EIF5B: variants seen among roughly 807,000 people sequenced by gnomAD.
EIF5B encodes the protein eIF-5B.
Under a neutral mutation model 147.5 loss-of-function variants are expected in EIF5B, and 47 were observed. That is an observed-to-expected ratio of 0.32 (90% CI 0.25 to 0.41). The LOEUF is 0.41. Ranked by LOEUF, EIF5B falls within the 10% of genes least tolerant of loss-of-function variation. The pLI is 1.00. For missense variants in EIF5B, 1,064 were observed against 1,413.2 expected (o/e 0.75, Z 3.96); for synonymous variants, 455 against 456.2 (o/e 1.00, Z 0.03).
chr2:99,396,940 A>C (rs1271891910), intron 22 of EIF5B, 42 bp downstream of exon 22: 1 of 1,571,192 alleles, frequency 6.4e-7, no homozygotes, highest in Non-Finnish European at 8.6e-7. Flanking sequence ...TTCTTAAAGC[A>C]CTAAATGAGT....
intron 7 of EIF5B, 99 bp downstream of exon 7, chr2:99,368,690 G>T: frequency 1.2e-6 from 1 of 847,158 alleles, no homozygotes; most frequent in African/African-American, 1.7e-5. Context: ...GAAAAAATCC[G>T]AAATGCATAT....
chr2:99,399,111 A>G (rs1675138245), intron 23 of EIF5B, 196 bp from the exon 24 acceptor site: 1 of 774,272 alleles, frequency 1.3e-6, no homozygotes, highest in Non-Finnish European at 2.0e-6. Context: ...AGAGAAAGCT[A>G]GGACTTTTAG....
chr2:99,400,249 A>AGATT lies in EIF5B; in HGVS notation c.*836_*839dup, dbSNP rs28382983. 6.6e-6 allele frequency: 1 copy of AGATT among 152,172 alleles called. No individual in the cohort carries two copies. The highest frequency in any genetic ancestry group is 2.1e-4 in the South Asian group (1 of 4,836). 9.4% of individuals were successfully genotyped at this position (152,172 alleles called of 1,614,324 possible). The stretch of plus-strand genomic sequence containing the variant: ...TTTTAATCTTGATCTGTTTTAGTAG[A>AGATT]GATTTTTATACATTAATCTTGATCT... On this transcript the variant is annotated 3_prime_UTR_variant, in exon 24 of 24. Transcript: ENST00000289371.
chr2:99,390,771 G>A, intron 17 of EIF5B, 66 bp downstream of exon 17: 1 of 1,489,118 alleles, frequency 6.7e-7, no homozygotes, highest in Non-Finnish European at 9.0e-7. Context: ...CTGCTGAGAT[G>A]GTTTCCTCAC....
At chr2:99,341,481 T>C (rs968368916) in intron 1 of EIF5B, among the ~76,000 whole-genome samples, 35 of 152,336 alleles carry the variant, frequency 2.3e-4, no homozygotes, top group African/African-American at 8.2e-4. Flanking sequence ...TGTTACTTGC[T>C]CATTTGTTGT....
chr2:99,372,931 TTC>T (rs1674483255), intron 9 of EIF5B, among the ~76,000 whole-genome samples: 1 of 152,292 alleles, frequency 6.6e-6, no homozygotes, highest in African/African-American at 2.4e-5. Context: ...GATCTGTTTT[TTC>T]TCTCTGTTAC....
Position 99,394,264 on chromosome 2 carries a change from A to G in EIF5B, c.2881-3A>G, listed in dbSNP as rs1486588334. On this transcript the variant is annotated splice_polypyrimidine_tract_variant and splice_region_variant and intron_variant, in intron 18 of 23. Transcript: ENST00000289371. ...ACCTTATCAAATCTGATTTCTTTTC[A>G]AGGATGAATTGATCCATGAGTTAAA... 6.2e-7 allele frequency: 1 copy of G among 1,601,590 alleles called. No individual in the cohort carries two copies. The highest frequency in any genetic ancestry group is 1.4e-5 in the African/African-American group (1 of 73,684).
chr2:99,361,962 C>T, intron 4 of EIF5B, 142 bp downstream of exon 4: 1 of 644,396 alleles, frequency 1.6e-6, no homozygotes, highest in Non-Finnish European at 2.3e-6. Flanking sequence ...AAAATTACGT[C>T]TAAGTATTTG....
chr2:99,382,640 C>T, intron 13 of EIF5B, 140 bp from the exon 14 acceptor site: 1 of 796,794 alleles, frequency 1.3e-6, no homozygotes, highest in Non-Finnish European at 1.8e-6. Context: ...GAGCCTTTGG[C>T]AAGTTAAGGG....
chr2:99,345,973 G>A (rs2094272536), intron 1 of EIF5B, among the ~76,000 whole-genome samples: 1 of 151,712 alleles, frequency 6.6e-6, no homozygotes, highest in African/African-American at 2.4e-5. Flanking sequence ...GGTGAATTGG[G>A]AATACAAAAG....
chr2:99,396,193 A>C (rs1675042302), intron 21 of EIF5B, among the ~76,000 whole-genome samples: 1 of 152,216 alleles, frequency 6.6e-6, no homozygotes, highest in Admixed American at 6.5e-5. Context: ...ATGAAACCTG[A>C]AGTGAGAAGA....
intron 9 of EIF5B, among the ~76,000 whole-genome samples, chr2:99,374,356 A>G (rs555845569): frequency 3.3e-5 from 5 of 151,600 alleles, no homozygotes; most frequent in African/African-American, 9.7e-5. Context: ...TAAAACCTCA[A>G]ATTAGCTTAT....
At chr2:99,363,520 CT>C in intron 4 of EIF5B, 124 bp from the exon 5 acceptor site, 1 of 941,802 alleles carries the variant, frequency 1.1e-6, no homozygotes, top group South Asian at 1.7e-5. Context: ...GCCTGTAGAA[CT>C]TAGCCTGCTG....
chr2:99,398,441 A>G (rs1399757430), intron 22 of EIF5B: 1 of 229,520 alleles, frequency 4.4e-6, no homozygotes, highest in Non-Finnish European at 8.6e-6. Context: ...GATCCCTCCT[A>G]TTACGGCACC....
intron 1 of EIF5B, chr2:99,338,534 A>G: frequency 3.0e-6 from 1 of 335,462 alleles, no homozygotes; most frequent in African/African-American, 2.2e-5. Flanking sequence ...CTTGAAGTTA[A>G]AATAAGTTTA....
At chr2:99,386,974 T>C (rs1169201756) in intron 14 of EIF5B, among the ~76,000 whole-genome samples, 2 of 152,136 alleles carry the variant, frequency 1.3e-5, no homozygotes, top group Non-Finnish European at 2.9e-5. Flanking sequence ...ACAGTGGCAT[T>C]ATCTCAGCTC....
chr2:99,395,970 A>G (rs1308104032), intron 21 of EIF5B, among the ~76,000 whole-genome samples: 1 of 152,210 alleles, frequency 6.6e-6, no homozygotes, highest in Non-Finnish European at 1.5e-5. Flanking sequence ...TGTGTTCACA[A>G]TCAGACTGGT....
intron 21 of EIF5B, 143 bp from the exon 22 acceptor site, chr2:99,396,617 C>T (rs932187466): frequency 2.1e-5 from 21 of 994,388 alleles, no homozygotes; most frequent in Non-Finnish European, 2.9e-5. Context: ...CCCTGGGCTG[C>T]AGCACCCTGC....
intron 1 of EIF5B, among the ~76,000 whole-genome samples, chr2:99,356,159 G>C (rs1674093063): frequency 4.6e-5 from 7 of 152,072 alleles, no homozygotes; most frequent in Admixed American, 3.9e-4. Context: ...ATTACATTTA[G>C]TCAGCATTTA....
Sources: gnomAD v4.1 joint callset for allele counts (sites outside exome capture counted in the v4.1 genomes callset) on GRCh38, gnomAD v4.1.1 for gene constraint, MANE v1.5 for transcripts, NCBI Gene and HGNC (gene_info 2026-07-23, HGNC 2026-07-21) for gene names.